Variants in MLLT3 observed in about 807,000 individuals in gnomAD.
MLLT3 encodes the protein protein AF-9.
MLLT3 carries 4 observed loss-of-function variants against 53.2 expected under a neutral mutation model. That is an observed-to-expected ratio of 0.08 (90% CI 0.04 to 0.17). MLLT3 has a LOEUF of 0.17. Among genes scored for constraint, MLLT3 ranks in the 10% least tolerant of loss-of-function variants. The probability of loss-of-function intolerance (pLI) is 1.00; values close to 1 mark genes in which losing one functional copy is unlikely to be tolerated. For missense variants in MLLT3, 569 were observed against 684.0 expected (o/e 0.83, Z 1.87); for synonymous variants, 283 against 230.6 (o/e 1.23, Z -2.06).
chr9:20,426,150 G>A (rs888412725), intron 4 of MLLT3, among the ~76,000 whole-genome samples: 1 of 151,956 alleles, frequency 6.6e-6, no homozygotes, highest in Admixed American at 6.6e-5. Context: ...CTAAATCATA[G>A]TTAAGTACTA....
At chr9:20,415,804 T>C (rs940457804) in intron 4 of MLLT3, among the ~76,000 whole-genome samples, 1 of 152,062 alleles carries the variant, frequency 6.6e-6, no homozygotes, top group African/African-American at 2.4e-5. Flanking sequence ...GGTACATGTA[T>C]AAGCATCACA....
At chr9:20,492,179 T>C (rs1318053698) in intron 2 of MLLT3, among the ~76,000 whole-genome samples, 1 of 152,096 alleles carries the variant, frequency 6.6e-6, no homozygotes, top group Non-Finnish European at 1.5e-5. Flanking sequence ...TAATTATGCA[T>C]ATGGATTGAT....
chr9:20,418,068 CAAAT>C (rs1486411791), intron 4 of MLLT3, among the ~76,000 whole-genome samples: 1 of 152,142 alleles, frequency 6.6e-6, no homozygotes, highest in Admixed American at 6.5e-5. Context: ...TGCATATAGA[CAAAT>C]AAACTCTCCC....
intron 5 of MLLT3, among the ~76,000 whole-genome samples, chr9:20,399,273 G>C (rs1822397957): frequency 6.6e-6 from 1 of 152,056 alleles, no homozygotes; most frequent in African/African-American, 2.4e-5. Flanking sequence ...TCCTCGACTA[G>C]ACATGCATCA....
chr9:20,467,349 G>A (rs527534625), intron 2 of MLLT3, among the ~76,000 whole-genome samples: 2 of 152,306 alleles, frequency 1.3e-5, no homozygotes, highest in African/African-American at 4.8e-5. Context: ...GGAGGCTGAG[G>A]TAGGTGGATC....
intron 5 of MLLT3, among the ~76,000 whole-genome samples, chr9:20,404,859 C>T (rs1055972915): frequency 2.6e-5 from 4 of 151,906 alleles, no homozygotes; most frequent in Admixed American, 1.3e-4. Flanking sequence ...TCCTGGACCA[C>T]TCCTCCTGAG....
At chr9:20,349,925 T>G (rs1383936661) in intron 10 of MLLT3, among the ~76,000 whole-genome samples, 2 of 152,182 alleles carry the variant, frequency 1.3e-5, no homozygotes, top group African/African-American at 4.8e-5. Flanking sequence ...CTTAAAGTAG[T>G]AGCAGTGGCA....
At chr9:20,587,572 C>G (rs147518106) in intron 2 of MLLT3, among the ~76,000 whole-genome samples, 2 of 152,254 alleles carry the variant, frequency 1.3e-5, no homozygotes, top group East Asian at 3.9e-4. Context: ...AGAAAAAAAT[C>G]TATAATGTGG....
intron 5 of MLLT3, among the ~76,000 whole-genome samples, chr9:20,388,584 T>G (rs1431535847): frequency 6.6e-6 from 1 of 151,602 alleles, no homozygotes; most frequent in Non-Finnish European, 1.5e-5. Flanking sequence ...TGAGACTCGG[T>G]CTCAAAAAAA....
chr9:20,513,655 G>A (rs924146023), intron 2 of MLLT3, among the ~76,000 whole-genome samples: 1 of 152,172 alleles, frequency 6.6e-6, no homozygotes, highest in Non-Finnish European at 1.5e-5. Flanking sequence ...TCCATGCAGG[G>A]TACGGGGGGT....
chr9:20,521,291 G>A (rs1456568847), intron 2 of MLLT3, among the ~76,000 whole-genome samples: 3 of 152,012 alleles, frequency 2.0e-5, no homozygotes, highest in African/African-American at 4.8e-5. Flanking sequence ...GTCTGGTTTC[G>A]AACTCCTGAC....
chr9:20,602,232 C>G (rs1820443235), intron 2 of MLLT3, among the ~76,000 whole-genome samples: 1 of 152,128 alleles, frequency 6.6e-6, no homozygotes, highest in Non-Finnish European at 1.5e-5. Flanking sequence ...TTAAGAATTA[C>G]TTTGCTTTCA....
chr9:20,583,430 T>C (rs933581401), intron 2 of MLLT3, among the ~76,000 whole-genome samples: 1 of 152,150 alleles, frequency 6.6e-6, no homozygotes, highest in Non-Finnish European at 1.5e-5. Context: ...AGTTCCACTA[T>C]GCAGTGCCCC....
At chr9:20,446,110 C>G (rs947058663) in intron 4 of MLLT3, among the ~76,000 whole-genome samples, 7 of 152,040 alleles carry the variant, frequency 4.6e-5, no homozygotes, top group African/African-American at 1.4e-4. Flanking sequence ...TAGACAGAAT[C>G]TGTGGAATTA....
intron 2 of MLLT3, among the ~76,000 whole-genome samples, chr9:20,607,716 G>A (rs1229936143): frequency 6.6e-6 from 1 of 151,952 alleles, no homozygotes; most frequent in African/African-American, 2.4e-5. Context: ...CTATGCATTA[G>A]TGCACAGTAC....
intron 8 of MLLT3, among the ~76,000 whole-genome samples, chr9:20,357,981 GCACACACACACACA>G (rs3222132): frequency 1.9e-3 from 268 of 139,452 alleles, no homozygotes; most frequent in Middle Eastern, 6.9e-3. Context: ...TCCCTCCTGC[GCACACACACACACA>G]CACACACACA....
chr9:20,404,295 C>T (rs1051925288), intron 5 of MLLT3, among the ~76,000 whole-genome samples: 2 of 152,278 alleles, frequency 1.3e-5, no homozygotes, highest in East Asian at 3.9e-4. Flanking sequence ...GCAGTTTTGC[C>T]TCCCAATCTT....
intron 4 of MLLT3, among the ~76,000 whole-genome samples, chr9:20,447,882 A>G (rs962378107): frequency 6.6e-6 from 1 of 152,128 alleles, no homozygotes; most frequent in East Asian, 1.9e-4. Flanking sequence ...TTTGAGCTGC[A>G]TAGATCTTAA....
intron 2 of MLLT3, among the ~76,000 whole-genome samples, chr9:20,465,418 G>A (rs1824211489): frequency 6.6e-6 from 1 of 152,070 alleles, no homozygotes; most frequent in Non-Finnish European, 1.5e-5. Context: ...TACCTAACAT[G>A]AAATTTCATT....
Sources: gnomAD v4.1 joint callset for allele counts (sites outside exome capture counted in the v4.1 genomes callset) on GRCh38, gnomAD v4.1.1 for gene constraint, MANE v1.5 for transcripts, NCBI Gene and HGNC (gene_info 2026-07-23, HGNC 2026-07-21) for gene names.